VIT: variants seen among roughly 807,000 people sequenced by gnomAD.
VIT encodes the protein vitrin.
VIT carries 99 observed loss-of-function variants against 78.0 expected under a neutral mutation model. That is an observed-to-expected ratio of 1.27 (90% CI 1.08 to 1.50). The LOEUF (loss-of-function observed/expected upper bound fraction) is 1.50, where lower values mean the gene tolerates loss of function less well. Ranked by LOEUF, VIT falls within the 40% of genes most tolerant of loss-of-function variation. The probability of loss-of-function intolerance (pLI) is 0.00; values close to 1 mark genes in which losing one functional copy is unlikely to be tolerated. For synonymous variants in VIT, 374 were observed against 334.3 expected (o/e 1.12, Z -1.29); for missense variants, 1,126 against 875.3 (o/e 1.29, Z -3.61).
chr2:36,720,290 G>C (rs754762735), intron 2 of VIT, among the ~76,000 whole-genome samples: 5 of 152,034 alleles, frequency 3.3e-5, no homozygotes, highest in African/African-American at 1.2e-4. Flanking sequence ...CATAAAACCA[G>C]ACATATAAAC....
At position 36,814,608 on chromosome 2, in the gene VIT, T is replaced by G; in HGVS notation, c.*247T>G. 1 of 474,678 alleles carries G rather than the reference T, an allele frequency of 2.1e-6. No homozygotes were observed. The highest frequency in any genetic ancestry group is 3.7e-6 in the Non-Finnish European group (1 of 273,282). 29.4% of individuals were successfully genotyped at this position (474,678 alleles called of 1,614,324 possible). A position where few individuals can be genotyped will look rare whatever the true frequency, so the allele number is the denominator to read the frequency against. ...GTTGAGGGTGCTGGAGATTTTACAT[T>G]TTGACAATTGTTTTCAAAATAAATG... is the stretch of plus-strand genomic sequence containing the variant. On this transcript the variant is annotated 3_prime_UTR_variant, in exon 16 of 16. Coordinates refer to ENST00000379242, the MANE Select transcript of VIT (RefSeq NM_053276.4).
At chr2:36,786,938 A>G (rs562204265) in intron 11 of VIT, among the ~76,000 whole-genome samples, 191 bp from the exon 12 acceptor site, 1 of 152,334 alleles carries the variant, frequency 6.6e-6, no homozygotes, top group Admixed American at 6.5e-5. Context: ...GGACTAGCCT[A>G]AGTGTCCAAG....
intron 9 of VIT, among the ~76,000 whole-genome samples, chr2:36,777,809 C>A (rs899653133): frequency 6.6e-6 from 1 of 152,216 alleles, no homozygotes; most frequent in South Asian, 2.1e-4. Context: ...TCCTTGTAAT[C>A]TTTGTGTCAT....
At chr2:36,780,002 T>C (rs969357370) in intron 9 of VIT, among the ~76,000 whole-genome samples, 13 of 152,188 alleles carry the variant, frequency 8.5e-5, no homozygotes, top group South Asian at 4.1e-4. Flanking sequence ...GGGCTTCTGA[T>C]GTCTTTTCTT....
At chr2:36,709,621 G>A (rs1446088990) in intron 1 of VIT, among the ~76,000 whole-genome samples, 1 of 152,188 alleles carries the variant, frequency 6.6e-6, no homozygotes, top group Non-Finnish European at 1.5e-5. Context: ...GGTGATTTAT[G>A]TAGAAGAGGT....
At chr2:36,757,325 C>T (rs554777611) in intron 5 of VIT, among the ~76,000 whole-genome samples, 22 of 152,186 alleles carry the variant, frequency 1.4e-4, no homozygotes, top group South Asian at 2.1e-4. Context: ...AGGAGATGTA[C>T]GTTTACGGCC....
At chr2:36,771,437 A>C (rs1366368117) in intron 7 of VIT, among the ~76,000 whole-genome samples, 5 of 151,772 alleles carry the variant, frequency 3.3e-5, no homozygotes, top group Non-Finnish European at 7.4e-5. Context: ...GAGCCAGGAG[A>C]ATCGCTTGAA....
At chr2:36,813,828 C>G (rs1244151797) in intron 15 of VIT, among the ~76,000 whole-genome samples, 1 of 152,186 alleles carries the variant, frequency 6.6e-6, no homozygotes, top group Non-Finnish European at 1.5e-5. Flanking sequence ...TCACTTGTCC[C>G]AAAATATCTT....
In VIT at chr2:36,763,305, G is replaced by C. The variant is rs114741086; in HGVS notation, c.488-3789G>C. ...TGGCACCACCTGCTATGTTTGAGAA[G>C]GTGGCTGCCTGGAGCTCTTCCGACC... On this transcript the variant is annotated intron_variant, in intron 6 of 15. Coordinates refer to ENST00000379242, the MANE Select transcript of VIT (RefSeq NM_053276.4). Among the ~76,000 whole-genome samples the C allele has an allele frequency of 3.4e-3, 513 of 152,198 alleles. 5 individuals carry two copies. The highest frequency in any genetic ancestry group is 0.012 in the African/African-American group (489 of 41,494).
Position 36,787,185 on chromosome 2 carries a change from C to T in VIT, c.967C>T (p.Arg323Ter), listed in dbSNP as rs779862307. Residue 323 changes from arginine to a stop codon, truncating the protein, a stop_gained, in exon 12 of 16, where the codon CGA becomes TGA. Transcript: ENST00000379242. LOFTEE classifies it high-confidence loss of function. ...IDGSTSIGKR[R>*]FRIQKQLLAD... ...TGGGAGCACCAGCATTGGCAAACGG[C>T]GATTCCGAATCCAGAAGCAGCTCCT... The T allele has an allele frequency of 7.4e-6, 12 of 1,614,058 alleles. No individual in the cohort carries two copies. Among genetic ancestry groups the T allele is most frequent in the South Asian group, 3.3e-5 (3 of 91,088 alleles).
intron 13 of VIT, among the ~76,000 whole-genome samples, chr2:36,802,831 C>G (rs936483323): frequency 2.6e-5 from 4 of 152,162 alleles, no homozygotes; most frequent in African/African-American, 9.7e-5. Flanking sequence ...TCAACTGATT[C>G]CAACAGAAAG....
intron 3 of VIT, among the ~76,000 whole-genome samples, chr2:36,731,552 C>T (rs1667210073): frequency 6.6e-6 from 1 of 152,122 alleles, no homozygotes; most frequent in Non-Finnish European, 1.5e-5. Context: ...GGATTACAGG[C>T]GTGAGCCACC....
chr2:36,799,694 G>C (rs1316965841), intron 12 of VIT, among the ~76,000 whole-genome samples: 2 of 146,788 alleles, frequency 1.4e-5, no homozygotes, highest in African/African-American at 5.1e-5. Context: ...TCCAGGTTGA[G>C]CAACAGAACG....
intron 12 of VIT, among the ~76,000 whole-genome samples, chr2:36,792,019 T>A (rs114340062): frequency 0.01 from 1,559 of 152,148 alleles, 27 homozygotes; most frequent in African/African-American, 0.035. Context: ...GCACCCACCC[T>A]CAGACTTCAG....
At position 36,729,598 on chromosome 2, in the gene VIT, A is replaced by C. The variant is rs1382405609; in HGVS notation, c.118+107A>C. On this transcript the variant is annotated intron_variant, in intron 3 of 15. Transcript: ENST00000379242. ...TTGTTTTGGTTTGGTTTTTATCTCT[A>C]TGTCAATTAATTTCCACTCAGATTA... 3.1e-5 allele frequency: 33 copies of C among 1,078,778 alleles called. No homozygotes were observed. In the East Asian group the frequency reaches 8.1e-4, roughly 27 times the overall value. 66.8% of individuals were successfully genotyped at this position (1,078,778 alleles called of 1,614,324 possible). A position where few individuals can be genotyped will look rare whatever the true frequency, so the allele number is the denominator to read the frequency against.
At chr2:36,806,149 C>A (rs1283645762) in intron 14 of VIT, among the ~76,000 whole-genome samples, 2 of 152,150 alleles carry the variant, frequency 1.3e-5, no homozygotes, top group Non-Finnish European at 2.9e-5. Flanking sequence ...TGGAGATGCC[C>A]AGCAGGAGAT....
chr2:36,780,876 G>T (rs1206668002), intron 9 of VIT, among the ~76,000 whole-genome samples: 2 of 152,122 alleles, frequency 1.3e-5, no homozygotes, highest in Non-Finnish European at 2.9e-5. Flanking sequence ...GGGGCAGAAA[G>T]AAAGGGAAAC....
At chr2:36,810,240 C>G (rs569102922) in intron 15 of VIT, among the ~76,000 whole-genome samples, 1 of 150,936 alleles carries the variant, frequency 6.6e-6, no homozygotes, top group Admixed American at 6.6e-5. Context: ...GCTGGTGAGC[C>G]GAGATCGTGC....
At chr2:36,707,916 A>G (rs891580996) in intron 1 of VIT, among the ~76,000 whole-genome samples, 2 of 151,556 alleles carry the variant, frequency 1.3e-5, no homozygotes, top group Admixed American at 1.3e-4. Flanking sequence ...AAATCAAGAA[A>G]GAAAGAAAAA....
Sources: allele counts gnomAD v4.1 joint callset (sites outside exome capture counted in the v4.1 genomes callset), GRCh38; gene constraint gnomAD v4.1.1; transcripts MANE v1.5; gene names NCBI Gene and HGNC (gene_info 2026-07-23, HGNC 2026-07-21).